Variants in FANCI observed in about 807,000 individuals in gnomAD.
The protein encoded by FANCI is Fanconi anemia group I protein.
A neutral mutation model predicts 176.1 loss-of-function variants in FANCI; 156 were observed. The ratio of observed to expected loss-of-function variants is 0.89; its 90% CI spans 0.78 to 1.01. FANCI has a LOEUF of 1.01. FANCI is among the 50% of genes least tolerant of loss of function. FANCI has a pLI of 0.00. For missense variants in FANCI, 1,678 were observed against 1,534.1 expected, an observed-to-expected ratio of 1.09 and a Z score of -1.57; for synonymous variants, 613 against 541.7, an observed-to-expected ratio of 1.13 and a Z score of -1.83.
At chr15:89,314,570 C>G (rs761103243) in intron 35 of FANCI, 42 bp from the exon 36 acceptor site, 1 of 1,473,668 alleles carries the variant, frequency 6.8e-7, no homozygotes. Flanking sequence ...ACTTCAAAAA[C>G]CATTGAACCT....
chr15:89,286,975 C>T lies in FANCI; in HGVS notation c.1821+1757C>T, dbSNP rs554608864. Among the ~76,000 whole-genome samples the T allele has an allele frequency of 8.8e-5, 6 of 68,368 alleles. No homozygotes were observed. The South Asian group carries it at 2.3e-3, about 27-fold the overall frequency. The allele number at this position is 68,368 out of a possible 152,430, so 44.9% of individuals were successfully genotyped here. On this transcript the variant is annotated intron_variant, in intron 18 of 37. Transcript: ENST00000310775. The stretch of plus-strand genomic sequence containing the variant: ...CATCAGCATTTGCTGCTTCACCTTG[C>T]ACTTTTTTTTTTTTTTTTTTTTTGA...
At chr15:89,264,482 T>C in intron 8 of FANCI, 40 bp from the exon 9 acceptor site, 2 of 1,525,616 alleles carry the variant, frequency 1.3e-6, no homozygotes, top group South Asian at 1.1e-5. Flanking sequence ...GTTATTTTGC[T>C]GTTAATTGGG....
At chr15:89,288,337 C>G (rs541939401) in intron 18 of FANCI, among the ~76,000 whole-genome samples, 1 of 151,546 alleles carries the variant, frequency 6.6e-6, no homozygotes, top group East Asian at 1.9e-4. Flanking sequence ...CCTTCCCCCC[C>G]AAAAAAAATC....
intron 2 of FANCI, among the ~76,000 whole-genome samples, chr15:89,257,854 C>T (rs557636296): frequency 6.6e-6 from 1 of 152,214 alleles, no homozygotes; most frequent in Admixed American, 6.5e-5. Flanking sequence ...ACTCTTAAAC[C>T]CCCATAACTC....
intron 22 of FANCI, among the ~76,000 whole-genome samples, chr15:89,293,567 A>G (rs1378006516): frequency 6.6e-6 from 1 of 152,172 alleles, no homozygotes; most frequent in African/African-American, 2.4e-5. Flanking sequence ...TGGGACCTGT[A>G]GTCCTAGCTA....
intron 14 of FANCI, among the ~76,000 whole-genome samples, chr15:89,279,259 G>A (rs895618851): frequency 1.3e-5 from 2 of 152,156 alleles, no homozygotes; most frequent in Non-Finnish European, 2.9e-5. Context: ...CTGGGTTCAC[G>A]CAGTTCTCGT....
intron 37 of FANCI, among the ~76,000 whole-genome samples, chr15:89,315,788 A>G (rs1005260131): frequency 3.9e-5 from 6 of 152,108 alleles, no homozygotes; most frequent in African/African-American, 1.2e-4. Context: ...ATTCATGCCA[A>G]TGTCTTGTCC....
At chr15:89,292,491 CG>C (rs1056859448) in intron 20 of FANCI, among the ~76,000 whole-genome samples, 196 bp from the exon 21 acceptor site, 1 of 152,104 alleles carries the variant, frequency 6.6e-6, no homozygotes, top group East Asian at 1.9e-4. Flanking sequence ...GGCCAATTTT[CG>C]GGGGGAAGCA....
Position 89,306,007 on chromosome 15 carries a change from A to C in FANCI, c.3350A>C (p.Glu1117Ala). The C allele has an allele frequency of 6.2e-7, 1 of 1,614,176 alleles. No individual in the cohort carries two copies. The highest frequency in any genetic ancestry group is 8.5e-7 in the Non-Finnish European group (1 of 1,180,008). Residue 1117 changes from glutamate (E) to alanine (A), a missense_variant and splice_region_variant, in exon 32 of 38, where the codon GAA (glutamate) becomes GCA (alanine). By Grantham distance (107) the Glu-to-Ala change is moderately radical. Around this residue, in one of 3 missense-constraint regions of FANCI, gnomAD observed 1,204 missense variants for 1,077.4 expected, o/e 1.12. Transcript: ENST00000310775. Reference protein sequence around the residue: ...KGQVSQETLSEEASSQATLPN... With the variant: ...KGQVSQETLSAEASSQATLPN... ...ATGTGCCAATTTTATTTCCCTTTAG[A>C]AGAGGCCTCTTCTCAGGCAACCCTA...
In FANCI at chr15:89,260,761, A is replaced by T; in HGVS notation, c.206A>T (p.Tyr69Phe). Residue 69 changes from tyrosine to phenylalanine, a missense_variant, in exon 4 of 38, where the codon TAC (tyrosine) becomes TTC (phenylalanine). By Grantham distance (22) the Tyr-to-Phe change is conservative. Coordinates refer to ENST00000310775, the MANE Select transcript of FANCI (RefSeq NM_001113378.2). ...EAGTLRRRKI[Y>F]TCCIQLVESG... is the part of the protein sequence containing the mutation. Reference sequence around the variant, plus strand: ...GGAACACTTAGGAGACGTAAGATATACACTTGTTGTATCCAGTTGGTGGAA... The same window carrying T: ...GGAACACTTAGGAGACGTAAGATATTCACTTGTTGTATCCAGTTGGTGGAA... The T allele has an allele frequency of 1.2e-6, 2 of 1,614,088 alleles. No individual in the cohort carries two copies. Among genetic ancestry groups the T allele is most frequent in the African/African-American group, 1.3e-5 (1 of 75,050 alleles).
chr15:89,315,703 G>A (rs1375700224), intron 37 of FANCI, among the ~76,000 whole-genome samples: 2 of 151,934 alleles, frequency 1.3e-5, no homozygotes, highest in Non-Finnish European at 2.9e-5. Flanking sequence ...GTCTGGCTCA[G>A]AAACTAGTTT....
At chr15:89,252,783 G>A (rs2052317160) in intron 2 of FANCI, among the ~76,000 whole-genome samples, 1 of 151,978 alleles carries the variant, frequency 6.6e-6, no homozygotes, top group African/African-American at 2.4e-5. Context: ...CAAAACCCAT[G>A]CGAAAAAAAA....
Position 89,264,550 on chromosome 15 carries a change from T to G in FANCI, c.698T>G (p.Ile233Ser). ...AGCAGAAAGAGTGTTTTGGAAGGAATCATAGCCTTCTTCAGTGCACTAGAT... is the reference window on the plus strand; with the variant it reads ...AGCAGAAAGAGTGTTTTGGAAGGAAGCATAGCCTTCTTCAGTGCACTAGAT... ...KGSRKSVLEG[I>S]IAFFSALDKQ... The change falls in exon 9 of 38, where the codon ATC (isoleucine) becomes AGC (serine). Residue 233 changes from isoleucine to serine, a missense_variant. Transcript: ENST00000310775. The G allele has an allele frequency of 6.2e-7, 1 of 1,613,942 alleles. No individual in the cohort carries two copies. Among genetic ancestry groups the G allele is most frequent in the Non-Finnish European group, 8.5e-7 (1 of 1,179,898 alleles).
chr15:89,302,108 C>G (rs1356676417), intron 27 of FANCI, among the ~76,000 whole-genome samples: 15 of 152,114 alleles, frequency 9.9e-5, no homozygotes, highest in Admixed American at 9.8e-4. Context: ...CTTCAGGAGC[C>G]CAGGACTGTG....
Position 89,305,104 on chromosome 15 carries a change from C to T in FANCI, c.3059-11C>T, listed in dbSNP as rs2054667046. The T allele has an allele frequency of 6.2e-7, 1 of 1,613,884 alleles. No homozygotes were observed. Among genetic ancestry groups the T allele is most frequent in the Non-Finnish European group, 8.5e-7 (1 of 1,179,970 alleles). On this transcript the variant is annotated splice_polypyrimidine_tract_variant and intron_variant, in intron 28 of 37. Coordinates refer to ENST00000310775, the MANE Select transcript of FANCI (RefSeq NM_001113378.2). ...ACTTACCTTTTAATTTGCTTTTCTT[C>T]CTATTCCTAGAGGATGCCTTGTTTT...
chr15:89,283,764 T>C (rs1392776454), intron 17 of FANCI, among the ~76,000 whole-genome samples: 1 of 151,750 alleles, frequency 6.6e-6, no homozygotes, highest in African/African-American at 2.4e-5. Flanking sequence ...TCTTTCTTTT[T>C]TTTTTTTTGA....
At chr15:89,268,615 TAAATA>T in intron 10 of FANCI, 90 bp downstream of exon 10, 1 of 1,510,486 alleles carries the variant, frequency 6.6e-7, no homozygotes, top group East Asian at 2.3e-5. Flanking sequence ...TGACAGGAAA[TAAATA>T]CTGTAAAATG....
At chr15:89,312,861 G>T (rs966687728) in intron 34 of FANCI, 43 bp from the exon 35 acceptor site, 9 of 1,490,660 alleles carry the variant, frequency 6.0e-6, no homozygotes, top group Non-Finnish European at 8.4e-6. Context: ...TAGCTCCACA[G>T]AAAAATCATC....
intron 3 of FANCI, 40 bp from the exon 4 acceptor site, chr15:89,260,673 T>C: frequency 6.2e-7 from 1 of 1,611,202 alleles, no homozygotes; most frequent in Non-Finnish European, 8.5e-7. Context: ...CTGTCAATGT[T>C]GTAAGACTTG....
Sources: allele counts gnomAD v4.1 joint callset (sites outside exome capture counted in the v4.1 genomes callset), GRCh38; gene constraint gnomAD v4.1.1; regional missense constraint gnomAD v4.1.1; transcripts MANE v1.5; gene names NCBI Gene and HGNC (gene_info 2026-07-23, HGNC 2026-07-21).